The following SLC4A8 variants were observed in gnomAD, a reference collection of about 807,000 sequenced individuals.
SLC4A8 encodes electroneutral sodium bicarbonate exchanger 1.
SLC4A8 carries 40 observed loss-of-function variants against 125.0 expected under a neutral mutation model. That is an observed-to-expected ratio of 0.32 (90% CI 0.25 to 0.42). The LOEUF is 0.42. Ranked by LOEUF, SLC4A8 falls within the 10% of genes least tolerant of loss-of-function variation. The probability of loss-of-function intolerance (pLI) is 1.00; values close to 1 mark genes in which losing one functional copy is unlikely to be tolerated. For synonymous variants in SLC4A8, 456 were observed against 476.0 expected (o/e 0.96, Z 0.55); for missense variants, 863 against 1,355.1 (o/e 0.64, Z 5.70).
chr12:51,433,868 TTTTTTTTTTTG>T (rs1565772243), intron 1 of SLC4A8, among the ~76,000 whole-genome samples: 37 of 71,784 alleles, frequency 5.2e-4, no homozygotes, highest in African/African-American at 1.9e-3. Flanking sequence ...TTTTTTTTTT[TTTTTTTTTTTG>T]GTTGGTTTTT....
At chr12:51,500,318 AAG>A (rs1171412696) in intron 22 of SLC4A8, among the ~76,000 whole-genome samples, 1 of 152,218 alleles carries the variant, frequency 6.6e-6, no homozygotes, top group African/African-American at 2.4e-5. Flanking sequence ...AATGAAATAA[AAG>A]AAAAAAGTGA....
At chr12:51,405,857 T>A in intron 1 of SLC4A8, among the ~76,000 whole-genome samples, 1 of 152,350 alleles carries the variant, frequency 6.6e-6, no homozygotes, top group African/African-American at 2.4e-5. Flanking sequence ...AGGAGAGTGA[T>A]GATCATCAAA....
intron 2 of SLC4A8, among the ~76,000 whole-genome samples, chr12:51,444,956 G>A (rs889821156): frequency 2.0e-5 from 3 of 152,172 alleles, no homozygotes; most frequent in African/African-American, 7.2e-5. Context: ...ATGGGCTCAA[G>A]GAGCAAGGAG....
chr12:51,479,213 C>T (rs1274922119), intron 16 of SLC4A8, among the ~76,000 whole-genome samples: 1 of 152,120 alleles, frequency 6.6e-6, no homozygotes, highest in African/African-American at 2.4e-5. Flanking sequence ...CCTAAAGCAG[C>T]CCACTTTGTT....
intron 1 of SLC4A8, chr12:51,403,435 C>A: frequency 2.8e-6 from 1 of 351,732 alleles, no homozygotes; most frequent in Non-Finnish European, 5.7e-6. Flanking sequence ...CAAGAATGGC[C>A]GCTTGGATCC....
chr12:51,444,362 T>A (rs1370869694), intron 2 of SLC4A8, among the ~76,000 whole-genome samples: 1 of 152,212 alleles, frequency 6.6e-6, no homozygotes, highest in African/African-American at 2.4e-5. Context: ...TGACAGCCGC[T>A]TGGTCCTTCT....
Position 51,509,330 on chromosome 12 carries a change from T to A in SLC4A8, c.*1892T>A, listed in dbSNP as rs1348444255. ...ACCTATATGGGCATTAAAATCTTCATGAGCCAAAGCTTCACATTTTAGCAC... is the reference window on the plus strand; with the variant it reads ...ACCTATATGGGCATTAAAATCTTCAAGAGCCAAAGCTTCACATTTTAGCAC... On this transcript the variant is annotated 3_prime_UTR_variant, in exon 25 of 25. Coordinates refer to ENST00000453097, the MANE Select transcript of SLC4A8 (RefSeq NM_001039960.3). 1.3e-5 allele frequency: 2 copies of A among 152,236 alleles called. No homozygotes were observed. The highest frequency in any genetic ancestry group is 4.8e-5 in the African/African-American group (2 of 41,458). 9.4% of individuals were successfully genotyped at this position (152,236 alleles called of 1,614,324 possible).
intron 1 of SLC4A8, among the ~76,000 whole-genome samples, chr12:51,433,816 C>T (rs564080727): frequency 2.0e-5 from 3 of 150,614 alleles, no homozygotes; most frequent in African/African-American, 7.3e-5. Context: ...TCATCATGTA[C>T]CCATGACTTG....
intron 1 of SLC4A8, among the ~76,000 whole-genome samples, chr12:51,396,639 T>A (rs1948268135): frequency 6.6e-6 from 1 of 151,432 alleles, no homozygotes; most frequent in Non-Finnish European, 1.5e-5. Flanking sequence ...GCGCAGGAGT[T>A]TAAGACCAGC....
Position 51,515,744 on chromosome 12 carries a change from TAA to T in SLC4A8, c.*8308_*8309del, listed in dbSNP as rs1938508469. 1 of 152,120 alleles carries T rather than the reference TAA, an allele frequency of 6.6e-6. No individual in the cohort carries two copies. The highest frequency in any genetic ancestry group is 1.5e-5 in the Non-Finnish European group (1 of 68,024). 9.4% of individuals were successfully genotyped at this position (152,120 alleles called of 1,614,324 possible). A position where few individuals can be genotyped will look rare whatever the true frequency, so the allele number is the denominator to read the frequency against. On this transcript the variant is annotated 3_prime_UTR_variant, in exon 25 of 25. Coordinates refer to ENST00000453097, the MANE Select transcript of SLC4A8 (RefSeq NM_001039960.3). Reference sequence around the variant, plus strand: ...TGTGCTCACCTCAATGGGTGAAAAATAAAGTCTGTGTAAACTGTTTGTACCTG... The same window carrying T: ...TGTGCTCACCTCAATGGGTGAAAAATAGTCTGTGTAAACTGTTTGTACCTG...
intron 1 of SLC4A8, among the ~76,000 whole-genome samples, chr12:51,394,305 G>A (rs1948218187): frequency 6.6e-6 from 1 of 152,248 alleles, no homozygotes; most frequent in Admixed American, 6.5e-5. Context: ...GATTTTAAAT[G>A]TGACTTGGAA....
At chr12:51,488,600 C>T (rs557363107) in intron 17 of SLC4A8, 99 bp from the exon 18 acceptor site, 2 of 822,896 alleles carry the variant, frequency 2.4e-6, no homozygotes, top group South Asian at 5.7e-5. Context: ...GAACCTCACT[C>T]AAGAATAAAA....
Position 51,470,394 on chromosome 12 carries a change from T to C in SLC4A8, c.1527T>C (p.Ser509=). ...LLGEATEGRI[S]AIESLFGASM... ...GTGATGACTTTTTTTCCTCTCAGAG[T>C]GCAATTGAATCCTTGTTTGGAGCTT... The change falls in exon 13 of 25, where the codon AGT becomes AGC. Residue 509 remains serine, a splice_region_variant and synonymous_variant. Transcript: ENST00000453097. 6.2e-7 allele frequency: 1 copy of C among 1,613,956 alleles called. No homozygotes were observed.
At chr12:51,413,583 T>C (rs765378465) in intron 1 of SLC4A8, among the ~76,000 whole-genome samples, 9 of 152,218 alleles carry the variant, frequency 5.9e-5, no homozygotes, top group Admixed American at 6.5e-5. Flanking sequence ...CATGTTGAGT[T>C]AATTTTTGTA....
intron 1 of SLC4A8, among the ~76,000 whole-genome samples, chr12:51,394,520 C>T (rs989968624): frequency 7.2e-5 from 11 of 152,132 alleles, no homozygotes; most frequent in Non-Finnish European, 1.3e-4. Context: ...AGGCAACTTT[C>T]GAAAAATGGT....
chr12:51,485,428 G>A (rs1951137164), intron 16 of SLC4A8, among the ~76,000 whole-genome samples: 1 of 152,114 alleles, frequency 6.6e-6, no homozygotes. Flanking sequence ...AGGGAGAAGT[G>A]GAGTTGATGC....
intron 21 of SLC4A8, among the ~76,000 whole-genome samples, chr12:51,496,646 C>A (rs1951466207): frequency 6.6e-6 from 1 of 152,162 alleles, no homozygotes; most frequent in Non-Finnish European, 1.5e-5. Flanking sequence ...TGTGGCTGGT[C>A]CCACCATGGC....
chr12:51,392,025 G>T (rs1397512076), intron 1 of SLC4A8: 1 of 152,498 alleles, frequency 6.6e-6, no homozygotes, highest in African/African-American at 2.4e-5. Flanking sequence ...CGGCGGGGCG[G>T]CCATGGGCCC....
chr12:51,429,252 G>A (rs1949107219), intron 1 of SLC4A8, among the ~76,000 whole-genome samples: 1 of 152,186 alleles, frequency 6.6e-6, no homozygotes, highest in South Asian at 2.1e-4. Context: ...GTTGCTTGTG[G>A]CCCTGCCAGA....
Sources: gnomAD v4.1 joint callset for allele counts (sites outside exome capture counted in the v4.1 genomes callset) on GRCh38, gnomAD v4.1.1 for gene constraint, MANE v1.5 for transcripts, NCBI Gene and HGNC (gene_info 2026-07-23, HGNC 2026-07-21) for gene names.